F8: variants seen among roughly 807,000 people sequenced by gnomAD.
F8 encodes the protein antihemophilic factor.
In F8, 12 loss-of-function variants were observed where a neutral mutation model predicts 140.6. The observed-to-expected ratio is 0.09, with a 90% confidence interval of 0.05 to 0.14. F8 has a LOEUF of 0.14. Ranked by LOEUF, F8 falls within the 10% of genes least tolerant of loss-of-function variation. F8 has a pLI of 1.00. For synonymous variants in F8, 585 were observed against 614.6 expected (o/e 0.95, Z 0.71); for missense variants, 1,354 against 1,720.7 (o/e 0.79, Z 3.77).
chrX:154,998,892 A>G (rs1038384736), intron 2 of F8, among the ~76,000 whole-genome samples: 1 of 111,569 alleles, frequency 9.0e-6, no homozygotes, highest in African/African-American at 3.3e-5. Context: ...CCCAAGTTCC[A>G]TAGGTACCTT....
chrX:154,962,894 G>A (rs868994790), intron 9 of F8, among the ~76,000 whole-genome samples: 24 of 63,458 alleles, frequency 3.8e-4, no homozygotes, highest in South Asian at 3.7e-3. Flanking sequence ...AGACAGAGAC[G>A]AGAGAGAGAG....
At chrX:155,013,145 C>CAAAA (rs34940593) in intron 1 of F8, among the ~76,000 whole-genome samples, 10 of 33,987 alleles carry the variant, frequency 2.9e-4, no homozygotes, top group African/African-American at 8.2e-4. Context: ...GACTCCGTCT[C>CAAAA]AAAAAAAAAA....
chrX:154,992,803 T>A (rs1414505365), intron 4 of F8, 133 bp downstream of exon 4: 2 of 573,228 alleles, frequency 3.5e-6, no homozygotes, highest in Admixed American at 2.9e-5. Context: ...TATTCTCCTT[T>A]CCATGAGCAT....
intron 6 of F8, among the ~76,000 whole-genome samples, chrX:154,979,366 TC>T (rs199592195): frequency 0.022 from 2,399 of 110,998 alleles, 19 homozygotes; most frequent in Middle Eastern, 0.042. Flanking sequence ...GGCTAAGTGA[TC>T]CCTAGGCCCC....
chrX:154,920,937 T>C (rs2073126923), intron 14 of F8, among the ~76,000 whole-genome samples: 1 of 112,282 alleles, frequency 8.9e-6, no homozygotes, highest in Admixed American at 9.4e-5. Context: ...GTACTTATTT[T>C]TACTAGTGAG....
At chrX:154,964,850 T>C (rs1557281860) in intron 9 of F8, among the ~76,000 whole-genome samples, 2 of 111,802 alleles carry the variant, frequency 1.8e-5, no homozygotes, top group Non-Finnish European at 1.9e-5. Context: ...GTTTTGACTA[T>C]ATAAAGATGA....
intron 22 of F8, among the ~76,000 whole-genome samples, chrX:154,875,804 T>C (rs1439956820): frequency 1.8e-5 from 2 of 108,998 alleles, no homozygotes; most frequent in African/African-American, 6.7e-5. Context: ...AATGTGGGCA[T>C]TAATGAATGA....
At chrX:154,910,490 C>T (rs1371483846) in intron 14 of F8, among the ~76,000 whole-genome samples, 1 of 111,121 alleles carries the variant, frequency 9.0e-6, no homozygotes, top group Non-Finnish European at 1.9e-5. Flanking sequence ...GTGCAGCACA[C>T]CAACATGGTG....
Position 154,929,905 on chromosome X carries a change from G to C in F8, c.3885C>G (p.Asn1295Lys), listed in dbSNP as rs201393905. The change falls in exon 14 of 26, where the codon AAC becomes AAG. Residue 1295 changes from asparagine (N) to lysine (K), a missense_variant. Transcript: ENST00000360256. ...AHFSKKGEEE[N>K]LEGLGNQTKQ... ...TGGTTTGATTTCCCAAGCCTTCCAA[G>C]TTTTCTTCCTCCCCTTTTTTTGAGA... is the stretch of plus-strand genomic sequence containing the variant. 122 of 1,209,506 alleles carry C rather than the reference G, an allele frequency of 1.0e-4. No homozygotes were observed. The highest frequency in any genetic ancestry group is 1.3e-4 in the Non-Finnish European group (119 of 894,952).
intron 12 of F8, among the ~76,000 whole-genome samples, chrX:154,950,019 C>A (rs782020490): frequency 8.9e-6 from 1 of 111,786 alleles, no homozygotes; most frequent in East Asian, 2.8e-4. Flanking sequence ...CCCGCCTTGG[C>A]CTCCCAAAAT....
chrX:154,980,853 C>T (rs1401272261), intron 6 of F8, among the ~76,000 whole-genome samples: 2 of 111,863 alleles, frequency 1.8e-5, no homozygotes, highest in African/African-American at 3.3e-5. Context: ...CACCTGTAGT[C>T]CCACTCTGGA....
chrX:155,018,033 T>C (rs2073743511), intron 1 of F8, among the ~76,000 whole-genome samples: 1 of 86,841 alleles, frequency 1.2e-5, no homozygotes, highest in Non-Finnish European at 2.6e-5. Flanking sequence ...CCCAGCTAAT[T>C]TTTTTTTTTT....
At chrX:154,969,278 T>C in intron 7 of F8, 53 bp downstream of exon 7, 1 of 1,082,723 alleles carries the variant, frequency 9.2e-7, no homozygotes, top group East Asian at 3.0e-5. Context: ...TAAATTTTAT[T>C]AAAAGTAGGA....
At chrX:154,842,454 C>A (rs968726063) in intron 25 of F8, among the ~76,000 whole-genome samples, 2 of 111,823 alleles carry the variant, frequency 1.8e-5, no homozygotes, top group African/African-American at 3.2e-5. Flanking sequence ...TCTTCTCTTC[C>A]AATATATGTT....
At chrX:155,000,525 A>T (rs1557285512) in intron 1 of F8, among the ~76,000 whole-genome samples, 1 of 112,426 alleles carries the variant, frequency 8.9e-6, no homozygotes. Flanking sequence ...CATTTCAACA[A>T]GCCAAAGGCA....
chrX:154,947,735 G>A lies in F8; in HGVS notation c.2076C>T (p.Phe692=). The A allele has an allele frequency of 8.3e-7, 1 of 1,211,024 alleles. No individual in the cohort carries two copies. The change falls in exon 13 of 26, where the codon TTC becomes TTT. Residue 692 remains phenylalanine, a synonymous_variant. Coordinates refer to ENST00000360256, the MANE Select transcript of F8 (RefSeq NM_000132.4). Reference sequence around the variant, plus strand: ...TCGACATGAAGACAGTTTCTCCTGAGAATGGGAATAGGGTGAGTGTGTCTT... The same window carrying A: ...TCGACATGAAGACAGTTTCTCCTGAAAATGGGAATAGGGTGAGTGTGTCTT... ...VYEDTLTLFP[F]SGETVFMSME...
At chrX:154,900,075 G>C in intron 20 of F8, 124 bp from the exon 21 acceptor site, 2 of 533,937 alleles carry the variant, frequency 3.7e-6, no homozygotes, top group South Asian at 6.1e-5. Flanking sequence ...AAACATAAAG[G>C]CTTTATGGCA....
Position 154,954,056 on chromosome X carries a change from A to G in F8, c.1753-14T>C. ...GTCTGACATTATCTGTTAATTACAT[A>G]TATTGAAAGGGGTAAAGAAATGCTA... is the stretch of plus-strand genomic sequence containing the variant. On this transcript the variant is annotated splice_polypyrimidine_tract_variant and intron_variant, in intron 11 of 25. Coordinates refer to ENST00000360256, the MANE Select transcript of F8 (RefSeq NM_000132.4). 1.7e-6 allele frequency: 2 copies of G among 1,207,807 alleles called. No individual in the cohort carries two copies. The highest frequency in any genetic ancestry group is 2.2e-6 in the Non-Finnish European group (2 of 891,810).
intron 25 of F8, among the ~76,000 whole-genome samples, chrX:154,858,526 T>C (rs782192159): frequency 7.1e-5 from 8 of 112,367 alleles, no homozygotes; most frequent in Admixed American, 4.7e-4. Flanking sequence ...TGGAATACAA[T>C]AGATCCCTTA....
Sources: allele counts gnomAD v4.1 joint callset (sites outside exome capture counted in the v4.1 genomes callset), GRCh38; gene constraint gnomAD v4.1.1; transcripts MANE v1.5; gene names NCBI Gene and HGNC (gene_info 2026-07-23, HGNC 2026-07-21).